Variants in ABCD2 observed in about 807,000 individuals in gnomAD.
The protein encoded by ABCD2 is ATP-binding cassette sub-family D member 2.
Under a neutral mutation model 70.9 loss-of-function variants are expected in ABCD2, and 36 were observed. The ratio of observed to expected loss-of-function variants is 0.51; its 90% CI spans 0.39 to 0.67. ABCD2 has a LOEUF of 0.67. ABCD2 is among the 30% of genes least tolerant of loss of function. ABCD2 has a pLI of 0.00. For synonymous variants in ABCD2, 304 were observed against 306.9 expected (o/e 0.99, Z 0.10); for missense variants, 729 against 890.2 (o/e 0.82, Z 2.30).
intron 2 of ABCD2, among the ~76,000 whole-genome samples, chr12:39,612,754 T>C (rs1942061979): frequency 6.6e-6 from 1 of 152,190 alleles, no homozygotes. Context: ...AAAATAACAT[T>C]TCAACGATTT....
intron 4 of ABCD2, among the ~76,000 whole-genome samples, chr12:39,604,437 A>G (rs1941943213): frequency 6.6e-6 from 1 of 152,128 alleles, no homozygotes; most frequent in South Asian, 2.1e-4. Context: ...TAGAAACAGT[A>G]TAATGAAGAA....
At chr12:39,611,976 A>G (rs967436244) in intron 2 of ABCD2, among the ~76,000 whole-genome samples, 1 of 152,180 alleles carries the variant, frequency 6.6e-6, no homozygotes, top group Admixed American at 6.5e-5. Flanking sequence ...CAAACGTCCA[A>G]TGAGTAAATA....
intron 8 of ABCD2, among the ~76,000 whole-genome samples, chr12:39,576,280 C>G (rs1312273710): frequency 6.6e-6 from 1 of 152,156 alleles, no homozygotes; most frequent in South Asian, 2.1e-4. Flanking sequence ...CTGCCTCAGC[C>G]TCCCGAGTAG....
intron 3 of ABCD2, 64 bp from the exon 4 acceptor site, chr12:39,604,994 T>A: frequency 7.8e-7 from 1 of 1,284,742 alleles, no homozygotes. Context: ...TAAATAAATA[T>A]GTAATCAGAT....
intron 9 of ABCD2, among the ~76,000 whole-genome samples, chr12:39,565,198 G>A (rs1941325857): frequency 6.6e-6 from 1 of 152,100 alleles, no homozygotes; most frequent in Non-Finnish European, 1.5e-5. Context: ...GGATGGCATT[G>A]AATCTATAAA....
At chr12:39,570,508 T>C (rs1306626369) in intron 9 of ABCD2, among the ~76,000 whole-genome samples, 2 of 152,164 alleles carry the variant, frequency 1.3e-5, no homozygotes. Context: ...CTCAATAAAT[T>C]GTGGGAAACT....
intron 6 of ABCD2, among the ~76,000 whole-genome samples, chr12:39,593,105 C>T (rs565170574): frequency 7.9e-5 from 12 of 152,240 alleles, no homozygotes; most frequent in South Asian, 6.2e-4. Context: ...TAATAGCCAT[C>T]ATCTGGTTTT....
chr12:39,586,076 C>T (rs1591983806), intron 7 of ABCD2, 76 bp downstream of exon 7: 2 of 1,353,726 alleles, frequency 1.5e-6, no homozygotes, highest in East Asian at 4.9e-5. Flanking sequence ...CAAATTAAAC[C>T]ACAGACTAAA....
intron 7 of ABCD2, among the ~76,000 whole-genome samples, chr12:39,580,042 G>A (rs1208024825): frequency 6.6e-6 from 1 of 152,074 alleles, no homozygotes; most frequent in Non-Finnish European, 1.5e-5. Flanking sequence ...CTTTATGTGA[G>A]TTCTCTTATC....
At chr12:39,569,038 C>G (rs547783287) in intron 9 of ABCD2, among the ~76,000 whole-genome samples, 21 of 152,288 alleles carry the variant, frequency 1.4e-4, no homozygotes, top group African/African-American at 5.1e-4. Context: ...TCTGCCCCTA[C>G]TTGGGGGTGC....
the ABCD2 span, among the ~76,000 whole-genome samples, chr12:39,532,752 T>C: frequency 6.6e-6 from 1 of 152,240 alleles, no homozygotes; most frequent in African/African-American, 2.4e-5. Context: ...AAGAACAAGT[T>C]AGAAACAAAT....
the ABCD2 span, among the ~76,000 whole-genome samples, chr12:39,537,344 G>T: frequency 6.6e-6 from 1 of 152,122 alleles, no homozygotes; most frequent in Admixed American, 6.5e-5. Flanking sequence ...GTAAAAGAAC[G>T]ACTGGAAAGT....
At chr12:39,610,247 G>A (rs959769970) in intron 2 of ABCD2, among the ~76,000 whole-genome samples, 1 of 152,140 alleles carries the variant, frequency 6.6e-6, no homozygotes, top group Non-Finnish European at 1.5e-5. Context: ...ATGAGTTCAT[G>A]GAGATGTTTT....
rs556648656 is a variant in ABCD2 at position 39,572,587 on chromosome 12, G to C, written c.2003+1129C>G. Among the ~76,000 whole-genome samples, 46 of 152,226 alleles carry C rather than the reference G, an allele frequency of 3.0e-4. No individual in the cohort carries two copies. In the South Asian group the frequency reaches 3.7e-3, roughly 12 times the overall value. On this transcript the variant is annotated intron_variant, in intron 9 of 9. Transcript: ENST00000308666. ...ATGAAACTCAGAGTCAAAGAATTTTGAACAATAAAAGCCTGATTGGATGAA... is the reference window on the plus strand; with the variant it reads ...ATGAAACTCAGAGTCAAAGAATTTTCAACAATAAAAGCCTGATTGGATGAA...
chr12:39,535,207 C>T, the ABCD2 span, among the ~76,000 whole-genome samples: 13 of 152,258 alleles, frequency 8.5e-5, no homozygotes, highest in East Asian at 2.5e-3. Flanking sequence ...CATTTGGAAT[C>T]AGACGGTGGG....
At position 39,600,560 on chromosome 12, in the gene ABCD2, G is replaced by T. The variant is rs375574755; in HGVS notation, c.1646+11C>A. ...GAAATTGTTTCTTGTAATATAAAAA[G>T]ATATACCTACCTTTGTGGAATATAA... On this transcript the variant is annotated intron_variant, in intron 6 of 9. Transcript: ENST00000308666. The T allele has an allele frequency of 3.9e-6, 6 of 1,556,200 alleles. No homozygotes were observed. The highest frequency in any genetic ancestry group is 2.8e-5 in the African/African-American group (2 of 72,428).
intron 2 of ABCD2, among the ~76,000 whole-genome samples, chr12:39,614,680 A>T (rs1241238103): frequency 6.6e-6 from 1 of 152,132 alleles, no homozygotes; most frequent in East Asian, 1.9e-4. Flanking sequence ...AATTCCAAGA[A>T]CTAAAACCTT....
intron 9 of ABCD2, among the ~76,000 whole-genome samples, chr12:39,559,879 T>C (rs1941228681): frequency 6.6e-6 from 1 of 152,204 alleles, no homozygotes; most frequent in Non-Finnish European, 1.5e-5. Context: ...TAAAGGGAGT[T>C]CTTCACATTG....
intron 9 of ABCD2, among the ~76,000 whole-genome samples, chr12:39,565,031 G>A (rs148208289): frequency 2.6e-5 from 4 of 152,162 alleles, no homozygotes; most frequent in African/African-American, 7.2e-5. Context: ...GTTTACTGTA[G>A]CCTTGTAGTA....
Sources: gnomAD v4.1 joint callset for allele counts (sites outside exome capture counted in the v4.1 genomes callset) on GRCh38, gnomAD v4.1.1 for gene constraint, MANE v1.5 for transcripts, NCBI Gene and HGNC (gene_info 2026-07-23, HGNC 2026-07-21) for gene names.